The following SYTL3 variants were observed in gnomAD, a reference collection of about 807,000 sequenced individuals.
The protein encoded by SYTL3 is synaptotagmin-like protein 3.
In SYTL3, 88 loss-of-function variants were observed where a neutral mutation model predicts 82.1. The observed-to-expected ratio is 1.07, with a 90% CI of 0.90 to 1.28. The LOEUF (loss-of-function observed/expected upper bound fraction) is 1.28. SYTL3 is among the 50% of genes most tolerant of loss of function. The probability of loss-of-function intolerance (pLI) is 0.00; values close to 1 mark genes in which losing one functional copy is unlikely to be tolerated. For synonymous variants in SYTL3, 311 were observed against 289.4 expected, an observed-to-expected ratio of 1.07 and a Z score of -0.76; for missense variants, 831 against 757.6, an observed-to-expected ratio of 1.10 and a Z score of -1.14.
chr6:158,749,390 G>GAAAAAAAAAAAAAAA (rs1167978441), intron 12 of SYTL3, among the ~76,000 whole-genome samples: 2 of 52,152 alleles, frequency 3.8e-5, no homozygotes, highest in African/African-American at 6.6e-5. Flanking sequence ...GACTCTGTCT[G>GAAAAAAAAAAAAAAA]AAAAAAAAAA....
chr6:158,760,776 C>A, intron 15 of SYTL3, 31 bp downstream of exon 15: 2 of 1,552,542 alleles, frequency 1.3e-6, no homozygotes, highest in Non-Finnish European at 1.8e-6. Context: ...TGGACATTGT[C>A]TGTGTCATTG....
At chr6:158,761,294 C>A (rs1789889234) in intron 15 of SYTL3, among the ~76,000 whole-genome samples, 1 of 110,864 alleles carries the variant, frequency 9.0e-6, no homozygotes, top group Non-Finnish European at 1.9e-5. Context: ...TGGGAGAATG[C>A]ACATTTCTTT....
chr6:158,758,736 G>A (rs924415533), intron 14 of SYTL3, among the ~76,000 whole-genome samples: 1 of 152,028 alleles, frequency 6.6e-6, no homozygotes, highest in African/African-American at 2.4e-5. Flanking sequence ...CCTTCCCAGT[G>A]CCTACCTGGA....
chr6:158,757,357 C>T lies in SYTL3; in HGVS notation c.1284C>T (p.Phe428=), dbSNP rs201437789. ...WDFEDSTTQS[F]RWHPLRAKAE... ...TTGAAGACAGCACAACACAGTCCTT[C>T]CGCTGGCATCCGCTCCGGGCCAAGG... Residue 428 remains phenylalanine (F), a synonymous_variant, in exon 14 of 18, where the codon TTC becomes TTT. Transcript: ENST00000611299. 6.2e-7 allele frequency: 1 copy of T among 1,614,064 alleles called. No individual in the cohort carries two copies.
rs535348565 is a variant in SYTL3, at chr6:158,713,839, G to A, written c.556G>A (p.Val186Met). ...FGQFRGFNKSVENLFLSLATH... is the reference protein window; with the variant it reads ...FGQFRGFNKSMENLFLSLATH... ...TCAGTTTAGAGGATTTAATAAGTCC[G>A]TGGAAAATTTGTTTCTGTCTCTTGC... Residue 186 changes from valine (V) to methionine (M), a missense_variant, in exon 9 of 18, where the codon GTG becomes ATG. Physicochemically the swap from Val to Met is conservative, Grantham distance 21. Coordinates refer to ENST00000611299, the MANE Select transcript of SYTL3 (RefSeq NM_001242394.2). 1.2e-4 allele frequency: 179 copies of A among 1,550,762 alleles called. 3 individuals are homozygous for A. The South Asian group carries it at 1.8e-3, about 15-fold the overall frequency.
chr6:158,749,505 C>CTTTTTTTTTTTTT (rs1217000691), intron 12 of SYTL3, among the ~76,000 whole-genome samples: 5 of 94,310 alleles, frequency 5.3e-5, no homozygotes, highest in African/African-American at 1.2e-4. Flanking sequence ...TTTTCTTTCT[C>CTTTTTTTTTTTTT]TCTTTTTTTT....
At chr6:158,726,326 G>A (rs1784716672) in intron 11 of SYTL3, 2 of 380,822 alleles carry the variant, frequency 5.3e-6, no homozygotes, top group Non-Finnish European at 1.0e-5. Flanking sequence ...TCTTTTTTAA[G>A]AACTTCAAGA....
In SYTL3 at chr6:158,694,569, A is replaced by G. The variant is rs147957443; in HGVS notation, c.394+11580A>G. The stretch of plus-strand genomic sequence containing the variant: ...CTCGGCCTCCCAAAATGCTGGGGTT[A>G]CAGGCATGAGCCACTGCACCTGGCT... On this transcript the variant is annotated intron_variant, in intron 6 of 17. Transcript: ENST00000611299. Among the ~76,000 whole-genome samples, 1,023 of 152,282 alleles carry G rather than the reference A, an allele frequency of 6.7e-3. 7 individuals carry two copies. The highest frequency in any genetic ancestry group is 0.023 in the African/African-American group (945 of 41,568).
chr6:158,749,875 A>G (rs1411954924), intron 12 of SYTL3, among the ~76,000 whole-genome samples: 1 of 152,196 alleles, frequency 6.6e-6, no homozygotes, highest in African/African-American at 2.4e-5. Context: ...TCTGTTAAAG[A>G]GATTGAATTG....
chr6:158,669,316 C>T (rs1777104087), intron 5 of SYTL3, among the ~76,000 whole-genome samples: 1 of 146,502 alleles, frequency 6.8e-6, no homozygotes, highest in Non-Finnish European at 1.5e-5. Flanking sequence ...TACTCTTGTT[C>T]AGACTTGTTT....
intron 2 of SYTL3, among the ~76,000 whole-genome samples, chr6:158,654,784 C>T (rs544816459): frequency 1.3e-5 from 2 of 152,188 alleles, no homozygotes; most frequent in East Asian, 3.9e-4. Context: ...CTGTCTGGCT[C>T]CAAAAGTGAC....
At chr6:158,713,002 C>T (rs1019857300) in intron 8 of SYTL3, among the ~76,000 whole-genome samples, 12 of 152,090 alleles carry the variant, frequency 7.9e-5, no homozygotes, top group South Asian at 4.2e-4. Flanking sequence ...CCTCGTGATC[C>T]GCCCGCCTCG....
chr6:158,756,412 A>T (rs1235591994), intron 13 of SYTL3, among the ~76,000 whole-genome samples: 1 of 152,196 alleles, frequency 6.6e-6, no homozygotes, highest in Non-Finnish European at 1.5e-5. Context: ...GCTTTAAAAA[A>T]TAAATAAATA....
At chr6:158,743,254 G>C (rs1787167809) in intron 11 of SYTL3, among the ~76,000 whole-genome samples, 1 of 152,166 alleles carries the variant, frequency 6.6e-6, no homozygotes, top group South Asian at 2.1e-4. Flanking sequence ...GCCTTGAAGT[G>C]AAAGGCAGCT....
intron 5 of SYTL3, among the ~76,000 whole-genome samples, chr6:158,668,769 G>A (rs1777027773): frequency 6.6e-6 from 1 of 152,172 alleles, no homozygotes; most frequent in Non-Finnish European, 1.5e-5. Context: ...ACAGGAAAAG[G>A]GGAGGATGGA....
In SYTL3 at chr6:158,700,196, C is replaced by T. The variant is rs938793721; in HGVS notation, c.395-7034C>T. 9.2e-5 allele frequency among the ~76,000 whole-genome samples: 14 copies of T among 151,950 alleles called. 1 individual carries two copies. The highest frequency in any genetic ancestry group is 2.1e-4 in the South Asian group (1 of 4,816). On this transcript the variant is annotated intron_variant, in intron 6 of 17. Transcript: ENST00000611299. ...GCTTGAACCCGGGAGGCAGAGGTTG[C>T]GGTGAGCCGAGATCGCACCATTGTA...
intron 2 of SYTL3, among the ~76,000 whole-genome samples, chr6:158,657,727 G>C (rs1219257336): frequency 1.3e-5 from 2 of 152,164 alleles, no homozygotes; most frequent in Non-Finnish European, 1.5e-5. Context: ...ATTGTCTGCA[G>C]ACGCGGGCCA....
intron 6 of SYTL3, among the ~76,000 whole-genome samples, chr6:158,698,072 C>T (rs1476628328): frequency 1.3e-5 from 2 of 152,116 alleles, no homozygotes; most frequent in African/African-American, 4.8e-5. Context: ...GCTATCTTAG[C>T]TCAAATTTTC....
intron 9 of SYTL3, among the ~76,000 whole-genome samples, chr6:158,715,375 G>A (rs1783244788): frequency 6.6e-6 from 1 of 151,988 alleles, no homozygotes; most frequent in South Asian, 2.1e-4. Context: ...CTTCCTGGAT[G>A]CTCCCAGCCC....
Sources: allele counts gnomAD v4.1 joint callset (sites outside exome capture counted in the v4.1 genomes callset), GRCh38; gene constraint gnomAD v4.1.1; transcripts MANE v1.5; gene names NCBI Gene and HGNC (gene_info 2026-07-23, HGNC 2026-07-21).